The following AGTPBP1 variants were observed in gnomAD, a reference collection of about 807,000 sequenced individuals.
AGTPBP1 encodes the protein cytosolic carboxypeptidase 1.
AGTPBP1 carries 70 observed loss-of-function variants against 143.9 expected under a neutral mutation model. That is an observed-to-expected ratio of 0.49 (90% CI 0.40 to 0.59). AGTPBP1 has a LOEUF of 0.59. Ranked by LOEUF, AGTPBP1 falls within the 20% of genes least tolerant of loss-of-function variation. The pLI is 0.00. For missense variants in AGTPBP1, 1,229 were observed against 1,464.5 expected (o/e 0.84, Z 2.62); for synonymous variants, 463 against 500.2 (o/e 0.93, Z 0.99).
At chr9:85,575,628 C>A (rs139290585) in intron 24 of AGTPBP1, among the ~76,000 whole-genome samples, 153 bp from the exon 25 acceptor site, 19 of 152,246 alleles carry the variant, frequency 1.2e-4, no homozygotes, top group East Asian at 5.8e-4. Context: ...AGTTTAACAT[C>A]TTAACAATAC....
chr9:85,628,578 G>C (rs1037263560), intron 14 of AGTPBP1, among the ~76,000 whole-genome samples: 2 of 152,318 alleles, frequency 1.3e-5, no homozygotes, highest in South Asian at 4.1e-4. Context: ...TATAGGGAAA[G>C]AAATCTTTGA....
intron 13 of AGTPBP1, among the ~76,000 whole-genome samples, chr9:85,635,938 C>T (rs1187831516): frequency 6.6e-6 from 1 of 152,064 alleles, no homozygotes; most frequent in Non-Finnish European, 1.5e-5. Context: ...AAAAACCGGC[C>T]ATCAAATCAC....
intron 11 of AGTPBP1, among the ~76,000 whole-genome samples, chr9:85,647,155 T>TA (rs764791748): frequency 4.6e-5 from 7 of 152,154 alleles, no homozygotes; most frequent in Non-Finnish European, 7.4e-5. Flanking sequence ...TGCATGCCTG[T>TA]AATCCCAGCT....
At chr9:85,580,033 C>G (rs57710639) in intron 23 of AGTPBP1, among the ~76,000 whole-genome samples, 9,309 of 151,634 alleles carry the variant, frequency 0.061, 964 homozygotes, top group African/African-American at 0.21. Context: ...GTCAGGAGTT[C>G]GAGACCAGCC....
chr9:85,689,925 A>ATATATAT (rs1554726690), intron 3 of AGTPBP1, among the ~76,000 whole-genome samples: 1 of 72,500 alleles, frequency 1.4e-5, no homozygotes, highest in South Asian at 5.3e-4. Context: ...AAAAAAAAAA[A>ATATATAT]ATATATATAT....
At chr9:85,797,790 T>C in the AGTPBP1 span, among the ~76,000 whole-genome samples, 1 of 152,214 alleles carries the variant, frequency 6.6e-6, no homozygotes. Flanking sequence ...TTCAAAGTCA[T>C]CCTGGGCCAC....
At chr9:85,700,706 T>C (rs772872026) in intron 2 of AGTPBP1, among the ~76,000 whole-genome samples, 5 of 152,152 alleles carry the variant, frequency 3.3e-5, no homozygotes, top group Non-Finnish European at 7.3e-5. Flanking sequence ...GGCTATGATA[T>C]AGTGAGAACA....
chr9:85,736,099 T>C (rs994544016), intron 1 of AGTPBP1, among the ~76,000 whole-genome samples: 1 of 152,144 alleles, frequency 6.6e-6, no homozygotes, highest in African/African-American at 2.4e-5. Context: ...GCCTTCACTG[T>C]TTAATATTTA....
the AGTPBP1 span, among the ~76,000 whole-genome samples, chr9:85,764,195 CT>C: frequency 3.8e-4 from 56 of 148,050 alleles, no homozygotes; most frequent in Middle Eastern, 3.5e-3. Flanking sequence ...TTTAAATAGA[CT>C]TTTTTTTTTT....
At chr9:85,778,660 C>T in the AGTPBP1 span, among the ~76,000 whole-genome samples, 2 of 152,216 alleles carry the variant, frequency 1.3e-5, no homozygotes, top group Admixed American at 1.3e-4. Flanking sequence ...GATAGGCCCA[C>T]TAGGCATTGT....
At chr9:85,791,739 T>A in the AGTPBP1 span, among the ~76,000 whole-genome samples, 1 of 152,188 alleles carries the variant, frequency 6.6e-6, no homozygotes, top group Non-Finnish European at 1.5e-5. Flanking sequence ...AACTTTTTTA[T>A]ACTGGTTTTT....
At chr9:85,720,729 T>C (rs995826365) in intron 1 of AGTPBP1, among the ~76,000 whole-genome samples, 7 of 152,298 alleles carry the variant, frequency 4.6e-5, no homozygotes, top group Admixed American at 4.6e-4. Flanking sequence ...TTGCTGTTGC[T>C]TCTCTAGTCC....
intron 25 of AGTPBP1, among the ~76,000 whole-genome samples, chr9:85,550,889 G>C (rs1039057841): frequency 6.6e-6 from 1 of 152,052 alleles, no homozygotes; most frequent in African/African-American, 2.4e-5. Flanking sequence ...GTATTGATAG[G>C]GTTTGGATGT....
chr9:85,695,627 T>C (rs1836174417), intron 2 of AGTPBP1, among the ~76,000 whole-genome samples: 1 of 152,166 alleles, frequency 6.6e-6, no homozygotes. Context: ...TACCCATGAG[T>C]GTACATCATC....
At chr9:85,584,197 T>G (rs1454837700) in intron 23 of AGTPBP1, among the ~76,000 whole-genome samples, 1 of 152,206 alleles carries the variant, frequency 6.6e-6, no homozygotes, top group Non-Finnish European at 1.5e-5. Flanking sequence ...TGAGCTCTAC[T>G]AATCTACTTG....
intron 8 of AGTPBP1, among the ~76,000 whole-genome samples, chr9:85,662,576 A>C (rs1564118400): frequency 6.6e-6 from 1 of 152,104 alleles, no homozygotes; most frequent in East Asian, 1.9e-4. Context: ...GATTTATAAA[A>C]ACTAAAATGG....
the AGTPBP1 span, among the ~76,000 whole-genome samples, chr9:85,772,710 A>G: frequency 6.6e-6 from 1 of 152,094 alleles, no homozygotes; most frequent in Non-Finnish European, 1.5e-5. Flanking sequence ...CTATGATTGC[A>G]CCACTGCACT....
chr9:85,652,953 T>C (rs937656116), intron 11 of AGTPBP1, among the ~76,000 whole-genome samples: 17 of 152,080 alleles, frequency 1.1e-4, no homozygotes, highest in African/African-American at 3.1e-4. Context: ...TCTGGAGATA[T>C]GGAGAATTGG....
chr9:85,599,748 C>T (rs376330110), intron 17 of AGTPBP1, among the ~76,000 whole-genome samples: 1 of 152,210 alleles, frequency 6.6e-6, no homozygotes, highest in East Asian at 1.9e-4. Context: ...CTTATAAACG[C>T]TGACATGCAG....
Sources: allele counts gnomAD v4.1 joint callset (sites outside exome capture counted in the v4.1 genomes callset), GRCh38; gene constraint gnomAD v4.1.1; transcripts MANE v1.5; gene names NCBI Gene and HGNC (gene_info 2026-07-23, HGNC 2026-07-21).